Variants in DCP1A observed in about 807,000 individuals in gnomAD.
The protein encoded by DCP1A is mRNA-decapping enzyme 1A.
In DCP1A, 20 loss-of-function variants were observed where a neutral mutation model predicts 58.0. That is an observed-to-expected ratio of 0.34 (90% confidence interval 0.24 to 0.50). The LOEUF (loss-of-function observed/expected upper bound fraction) is 0.50. DCP1A is among the 20% of genes least tolerant of loss of function. The probability of loss-of-function intolerance (pLI) is 0.98; values close to 1 mark genes in which losing one functional copy is unlikely to be tolerated. For synonymous variants in DCP1A, 285 were observed against 275.1 expected, an observed-to-expected ratio of 1.04 and a Z score of -0.36; for missense variants, 613 against 712.2, an observed-to-expected ratio of 0.86 and a Z score of 1.59.
At chr3:53,338,453 C>T (rs528466925) in intron 3 of DCP1A, among the ~76,000 whole-genome samples, 84 of 152,124 alleles carry the variant, frequency 5.5e-4, no homozygotes, top group African/African-American at 1.9e-3. Context: ...CACTACCCCA[C>T]AAAGATTTAA....
At chr3:53,309,729 C>A (rs1553688449) in intron 5 of DCP1A, among the ~76,000 whole-genome samples, 1 of 152,222 alleles carries the variant, frequency 6.6e-6, no homozygotes, top group South Asian at 2.1e-4. Context: ...TGTGCCCCTG[C>A]ACTCCAGCCT....
intron 4 of DCP1A, among the ~76,000 whole-genome samples, chr3:53,315,855 G>C (rs556282228): frequency 1.9e-4 from 27 of 138,782 alleles, no homozygotes; most frequent in Middle Eastern, 3.9e-3. Flanking sequence ...CCGGGTTCAC[G>C]CCATTCTTCT....
In DCP1A at chr3:53,284,843, T is replaced by G. The variant is rs1706573900; in HGVS notation, c.*2737A>C. On this transcript the variant is annotated 3_prime_UTR_variant, in exon 10 of 10. Coordinates refer to ENST00000610213, the MANE Select transcript of DCP1A (RefSeq NM_018403.7). ...GTGGACATACCACATGTGGACAGCATGAAATGCTTCTTCTGACACTGAGAG... is the reference window on the plus strand; with the variant it reads ...GTGGACATACCACATGTGGACAGCAGGAAATGCTTCTTCTGACACTGAGAG... 1 of 152,270 alleles carries G rather than the reference T, an allele frequency of 6.6e-6. No individual in the cohort carries two copies. Among genetic ancestry groups the G allele is most frequent in the South Asian group, 2.1e-4 (1 of 4,820 alleles). 9.4% of individuals were successfully genotyped at this position (152,270 alleles called of 1,614,324 possible). A position where few individuals can be genotyped will look rare whatever the true frequency, so the allele number is the denominator to read the frequency against.
chr3:53,292,651 T>C lies in DCP1A; in HGVS notation c.801A>G (p.Gly267=), dbSNP rs1553686301. 6.2e-7 allele frequency: 1 copy of C among 1,613,640 alleles called. No homozygotes were observed. Among genetic ancestry groups the C allele is most frequent in the South Asian group, 1.1e-5 (1 of 91,052 alleles). Residue 267 remains glycine, a synonymous_variant, in exon 7 of 10, where the codon GGA becomes GGG. Transcript: ENST00000610213. ...CACCCAGGGTTTCTGATTGAGGGGC[T>C]CCTCCTAACTGCTCAAAGGGAAATG... ...FLPFPFEQLG[G]APQSETLGVP...
chr3:53,287,505 T>G lies in DCP1A; in HGVS notation c.*75A>C. The G allele has an allele frequency of 1.0e-6, 1 of 961,132 alleles. No homozygotes were observed. Among genetic ancestry groups the G allele is most frequent in the South Asian group, 1.4e-5 (1 of 70,790 alleles). The allele number at this position is 961,132 out of a possible 1,614,324, so 59.5% of individuals were successfully genotyped here. On this transcript the variant is annotated 3_prime_UTR_variant, in exon 10 of 10. Coordinates refer to ENST00000610213, the MANE Select transcript of DCP1A (RefSeq NM_018403.7). ...TTCAGGATTCTCAAACTCAATGTTC[T>G]GCTCAGAAGTTTCCATGATGAAGCC...
At chr3:53,337,092 G>C (rs1251504148) in intron 3 of DCP1A, among the ~76,000 whole-genome samples, 2 of 152,024 alleles carry the variant, frequency 1.3e-5, no homozygotes, top group Non-Finnish European at 2.9e-5. Context: ...GGCTGGTCTT[G>C]AACTCCTGAC....
intron 4 of DCP1A, among the ~76,000 whole-genome samples, chr3:53,317,668 C>T (rs1365333891): frequency 1.3e-5 from 2 of 151,984 alleles, no homozygotes; most frequent in African/African-American, 2.4e-5. Flanking sequence ...CTGGGCAATA[C>T]GGCAACATCC....
intron 3 of DCP1A, among the ~76,000 whole-genome samples, chr3:53,330,553 C>A (rs1181180907): frequency 1.3e-5 from 2 of 150,814 alleles, no homozygotes; most frequent in South Asian, 2.1e-4. Context: ...TTCACCCTTA[C>A]CAAGAAGGCA....
chr3:53,330,818 T>A (rs1553691192), intron 3 of DCP1A, among the ~76,000 whole-genome samples: 1 of 108,190 alleles, frequency 9.2e-6, no homozygotes, highest in East Asian at 2.5e-4. Context: ...TATACACATA[T>A]ATATATATTT....
Position 53,290,801 on chromosome 3 carries a change from C to T in DCP1A, c.1439G>A (p.Ser480Asn), listed in dbSNP as rs1553558582. ...AAAGCGAGTCCTTACCGGGATGGCACTGGATAACACCTTAGGCTGCACAAA... is the reference window on the plus strand; with the variant it reads ...AAAGCGAGTCCTTACCGGGATGGCATTGGATAACACCTTAGGCTGCACAAA... ...EVFVQPKVLS[S>N]AIPVAGAPLV... Residue 480 changes from serine to asparagine, a missense_variant, in exon 8 of 10, where the codon AGT becomes AAT. By Grantham distance (46) the Ser-to-Asn change is conservative. This residue lies in a region of DCP1A where 498 missense variants were observed against 556.7 expected (regional missense o/e 0.89). Transcript: ENST00000610213. The T allele has an allele frequency of 7.5e-7, 1 of 1,341,788 alleles. No homozygotes were observed. Among genetic ancestry groups the T allele is most frequent in the Non-Finnish European group, 1.1e-6 (1 of 950,922 alleles). The allele number at this position is 1,341,788 out of a possible 1,614,324, so 83.1% of individuals were successfully genotyped here.
chr3:53,334,635 C>A (rs1163379544), intron 3 of DCP1A, among the ~76,000 whole-genome samples: 2 of 152,248 alleles, frequency 1.3e-5, no homozygotes, highest in East Asian at 3.9e-4. Flanking sequence ...TCATTAAAAG[C>A]CAGAACCAAT....
At chr3:53,315,534 CAAA>C (rs1211486616) in intron 4 of DCP1A, among the ~76,000 whole-genome samples, 6 of 64,990 alleles carry the variant, frequency 9.2e-5, no homozygotes, top group East Asian at 5.1e-4. Context: ...GACTCTGTCT[CAAA>C]AAAAAAAAAA....
intron 3 of DCP1A, among the ~76,000 whole-genome samples, chr3:53,341,346 T>C (rs1221653919): frequency 2.6e-5 from 4 of 151,950 alleles, no homozygotes; most frequent in African/African-American, 9.7e-5. Context: ...TCCCAGCTAC[T>C]TGGGAGGCCG....
chr3:53,322,610 G>T (rs1048339760), intron 3 of DCP1A, among the ~76,000 whole-genome samples: 1 of 151,932 alleles, frequency 6.6e-6, no homozygotes, highest in Non-Finnish European at 1.5e-5. Context: ...TCATGAACAA[G>T]AATTTTTTTT....
At chr3:53,330,767 C>T (rs1225595568) in intron 3 of DCP1A, among the ~76,000 whole-genome samples, 5 of 150,624 alleles carry the variant, frequency 3.3e-5, no homozygotes, top group Admixed American at 6.6e-5. Flanking sequence ...GGTATGTATC[C>T]GAGTTAATCA....
chr3:53,304,207 T>C lies in DCP1A; in HGVS notation c.594A>G (p.Leu198=). ...CCTGTGACCCGGAGGGCATTTCTTC[T>C]AGAGTCTCGGTGCTTCCCAGATTGG... ...QLSNLGSTET[L]EEMPSGSQDK... Residue 198 remains leucine, a synonymous_variant, in exon 6 of 10, where the codon CTA becomes CTG. Coordinates refer to ENST00000610213, the MANE Select transcript of DCP1A (RefSeq NM_018403.7). 5 of 1,613,796 alleles carry C rather than the reference T, an allele frequency of 3.1e-6. No individual in the cohort carries two copies. The highest frequency in any genetic ancestry group is 2.5e-6 in the Non-Finnish European group (3 of 1,179,792).
chr3:53,329,120 G>T (rs1211589982), intron 3 of DCP1A: 4 of 377,464 alleles, frequency 1.1e-5, no homozygotes, highest in Non-Finnish European at 1.9e-5. Flanking sequence ...ATCTTGTAAG[G>T]AAATTTCTTG....
chr3:53,330,472 G>A (rs2088967787), intron 3 of DCP1A, among the ~76,000 whole-genome samples: 1 of 151,718 alleles, frequency 6.6e-6, no homozygotes, highest in Non-Finnish European at 1.5e-5. Flanking sequence ...GCTGAGGATG[G>A]AGGATCATTT....
At position 53,312,325 on chromosome 3, in the gene DCP1A, A is replaced by C. The variant is rs1707670395; in HGVS notation, c.426T>G (p.Ser142Arg). The C allele has an allele frequency of 1.2e-6, 2 of 1,612,924 alleles. No individual in the cohort carries two copies. Among genetic ancestry groups the C allele is most frequent in the African/African-American group, 2.7e-5 (2 of 74,678 alleles). ...CGCTGCAGCCATTGGCCTGGCTGGG[A>C]CTCTGTTTGTCCCGAGCAGCTTGCT... ...RSQQAARDKQSPSQANGCSDH... is the reference protein window; with the variant it reads ...RSQQAARDKQRPSQANGCSDH... The change falls in exon 5 of 10, where the codon AGT becomes AGG. Residue 142 changes from serine to arginine, a missense_variant. Transcript: ENST00000610213.
Sources: allele counts gnomAD v4.1 joint callset (sites outside exome capture counted in the v4.1 genomes callset), GRCh38; gene constraint gnomAD v4.1.1; regional missense constraint gnomAD v4.1.1; transcripts MANE v1.5; gene names NCBI Gene and HGNC (gene_info 2026-07-23, HGNC 2026-07-21).